TPTE: variants seen among roughly 807,000 people sequenced by gnomAD.
TPTE encodes the protein putative tyrosine-protein phosphatase TPTE.
TPTE carries 59 observed loss-of-function variants against 84.1 expected under a neutral mutation model. That is an observed-to-expected ratio of 0.70 (90% CI 0.57 to 0.87). The LOEUF (loss-of-function observed/expected upper bound fraction) is 0.87. Ranked by LOEUF, TPTE falls within the 40% of genes least tolerant of loss-of-function variation. The pLI is 0.00. For synonymous variants in TPTE, 130 were observed against 223.5 expected (o/e 0.58, Z 3.73); for missense variants, 382 against 659.6 (o/e 0.58, Z 4.61).
intron 19 of TPTE, among the ~76,000 whole-genome samples, chr21:10,595,635 A>G (rs2075567645): frequency 2.0e-5 from 3 of 152,306 alleles, no homozygotes. Context: ...ACCAAACCAC[A>G]AGTCTTCCTC....
chr21:10,581,526 GTTCA>G (rs1264828070), intron 17 of TPTE, among the ~76,000 whole-genome samples: 2 of 152,308 alleles, frequency 1.3e-5, no homozygotes, highest in African/African-American at 2.4e-5. Context: ...TTTTTTATGT[GTTCA>G]TTCATATTAG....
intron 17 of TPTE, among the ~76,000 whole-genome samples, chr21:10,583,661 A>T (rs1433739141): frequency 6.6e-6 from 1 of 152,312 alleles, no homozygotes; most frequent in Non-Finnish European, 1.5e-5. Context: ...CCTTGAGTTT[A>T]AAGGACATTT....
At chr21:10,551,690 G>A (rs1384216643) in intron 7 of TPTE, among the ~76,000 whole-genome samples, 1 of 152,246 alleles carries the variant, frequency 6.6e-6, no homozygotes, top group East Asian at 1.9e-4. Flanking sequence ...AAAAAGGGAA[G>A]ACCCAAATAA....
intron 14 of TPTE, 140 bp from the exon 15 acceptor site, chr21:10,577,320 C>G: frequency 6.9e-7 from 1 of 1,447,050 alleles, no homozygotes; most frequent in South Asian, 1.3e-5. Context: ...GTTTGCATAC[C>G]CTCTTATTCC....
At chr21:10,563,216 T>A (rs1198308062) in intron 10 of TPTE, among the ~76,000 whole-genome samples, 2 of 152,302 alleles carry the variant, frequency 1.3e-5, no homozygotes, top group African/African-American at 4.8e-5. Flanking sequence ...AGCTGAGGGA[T>A]TTTGTCAACA....
intron 13 of TPTE, among the ~76,000 whole-genome samples, chr21:10,570,011 C>G (rs1381872010): frequency 6.6e-6 from 1 of 152,310 alleles, no homozygotes; most frequent in Non-Finnish European, 1.5e-5. Context: ...TTATTAACCT[C>G]TAGTAGTTAT....
At chr21:10,605,297 T>C (rs1479854964) in intron 23 of TPTE, 120 bp from the exon 24 acceptor site, 1 of 1,353,618 alleles carries the variant, frequency 7.4e-7, no homozygotes. Context: ...AAAAAAGGGC[T>C]GAGGTTCTAT....
chr21:10,527,153 T>TCACACACA (rs1316269731), intron 2 of TPTE, among the ~76,000 whole-genome samples: 44 of 149,468 alleles, frequency 2.9e-4, no homozygotes, highest in African/African-American at 8.5e-4. Flanking sequence ...TCTCTCTCTC[T>TCACACACA]CTCTCACACA....
At chr21:10,583,744 C>G (rs1368446828) in intron 17 of TPTE, among the ~76,000 whole-genome samples, 1 of 152,312 alleles carries the variant, frequency 6.6e-6, no homozygotes, top group Non-Finnish European at 1.5e-5. Flanking sequence ...AGGAAGGCGT[C>G]AGGTTTCATC....
At chr21:10,580,134 C>T (rs1447514321) in intron 17 of TPTE, among the ~76,000 whole-genome samples, 1 of 152,310 alleles carries the variant, frequency 6.6e-6, no homozygotes, top group Non-Finnish European at 1.5e-5. Flanking sequence ...CATTATACCT[C>T]TTGGCCATTT....
At chr21:10,584,719 A>G (rs2075331760) in intron 17 of TPTE, among the ~76,000 whole-genome samples, 1 of 152,312 alleles carries the variant, frequency 6.6e-6, no homozygotes, top group Non-Finnish European at 1.5e-5. Context: ...ACATCATATG[A>G]AAATAATAAA....
chr21:10,605,643 C>T lies in TPTE; in HGVS notation c.*91C>T, dbSNP rs1979221237. ...TATCCTAAATCTATCCTAAATGTTC[C>T]TTGAAGTATTTATTTATGTTTATAT... On this transcript the variant is annotated 3_prime_UTR_variant, in exon 24 of 24. Transcript: ENST00000618007. The T allele has an allele frequency of 2.5e-6, 4 of 1,583,918 alleles. No homozygotes were observed. The highest frequency in any genetic ancestry group is 4.5e-5 in the East Asian group (2 of 44,446).
At chr21:10,599,159 C>T (rs117331376) in intron 21 of TPTE, among the ~76,000 whole-genome samples, 11,701 of 135,506 alleles carry the variant, frequency 0.086, no homozygotes, top group East Asian at 0.18. Flanking sequence ...CAGCATTCTT[C>T]CACTCATGCC....
chr21:10,527,294 C>T (rs1189641188), intron 2 of TPTE, 61 bp from the exon 3 acceptor site: 1 of 152,770 alleles, frequency 6.5e-6, no homozygotes, highest in Non-Finnish European at 1.5e-5. Context: ...AGATTAACAT[C>T]CTCATTGCCT....
chr21:10,527,849 G>T (rs2074107469), intron 3 of TPTE, among the ~76,000 whole-genome samples: 2 of 51,286 alleles, frequency 3.9e-5, no homozygotes, highest in Admixed American at 6.5e-4. Flanking sequence ...GATCCTATTT[G>T]AGGAGAAGCA....
intron 18 of TPTE, among the ~76,000 whole-genome samples, chr21:10,591,086 T>C (rs1213612934): frequency 2.0e-5 from 3 of 152,306 alleles, no homozygotes; most frequent in African/African-American, 7.2e-5. Context: ...AACTCTTAGG[T>C]AGATAAAAAG....
rs542385037 is a variant in TPTE, at chr21:10,590,568, T to A, written c.1089+45T>A. ...AACTTTGTCTTAGGATGATTGAGTT[T>A]GCTAGTTCTGAAACATCACTGGCAG... On this transcript the variant is annotated intron_variant, in intron 18 of 23. Transcript: ENST00000618007. The A allele has an allele frequency of 3.7e-5, 59 of 1,612,248 alleles. No homozygotes were observed. The African/African-American group carries it at 6.5e-4, about 18-fold the overall frequency.
At chr21:10,598,911 C>G (rs1485616650) in intron 21 of TPTE, among the ~76,000 whole-genome samples, 1 of 152,312 alleles carries the variant, frequency 6.6e-6, no homozygotes, top group African/African-American at 2.4e-5. Context: ...GGCATTCACC[C>G]AGGCCTGACC....
chr21:10,530,059 ATTAT>A (rs1237862506), intron 3 of TPTE, among the ~76,000 whole-genome samples: 11 of 152,294 alleles, frequency 7.2e-5, no homozygotes, highest in Non-Finnish European at 1.2e-4. Context: ...CCTTTCTGTC[ATTAT>A]TTATTTTGAT....
Sources: allele counts gnomAD v4.1 joint callset (sites outside exome capture counted in the v4.1 genomes callset), GRCh38; gene constraint gnomAD v4.1.1; transcripts MANE v1.5; gene names NCBI Gene and HGNC (gene_info 2026-07-23, HGNC 2026-07-21).